The following DLGAP2 variants were observed in gnomAD, a reference collection of about 807,000 sequenced individuals.
The protein encoded by DLGAP2 is DLG associated protein 2, also known as disks large-associated protein 2.
DLGAP2 carries 26 observed loss-of-function variants against 100.3 expected under a neutral mutation model. The observed-to-expected ratio is 0.26, with a 90% CI of 0.19 to 0.36. DLGAP2 has a LOEUF of 0.36. Among genes scored for constraint, DLGAP2 ranks in the 10% least tolerant of loss-of-function variants. The probability of loss-of-function intolerance (pLI) is 1.00; values close to 1 mark genes in which losing one functional copy is unlikely to be tolerated. For missense variants in DLGAP2, 1,858 were observed against 1,453.2 expected (o/e 1.28, Z -4.53); for synonymous variants, 886 against 630.1 (o/e 1.41, Z -6.08).
intron 2 of DLGAP2, among the ~76,000 whole-genome samples, chr8:1,089,555 T>A (rs111728977): frequency 1.2e-3 from 183 of 152,286 alleles, no homozygotes; most frequent in African/African-American, 4.2e-3. Flanking sequence ...CCTCCCTCCT[T>A]GCCATGCAGG....
intron 2 of DLGAP2, among the ~76,000 whole-genome samples, chr8:1,158,665 C>G (rs1328991767): frequency 6.6e-6 from 1 of 152,234 alleles, no homozygotes; most frequent in Non-Finnish European, 1.5e-5. Flanking sequence ...CCGTTGCACT[C>G]TGTGTTTAGT....
intron 1 of DLGAP2, among the ~76,000 whole-genome samples, chr8:901,408 T>C (rs917421768): frequency 2.6e-5 from 4 of 152,278 alleles, no homozygotes; most frequent in Admixed American, 2.6e-4. Flanking sequence ...AATCTCTTTA[T>C]TGATAAAAAG....
intron 6 of DLGAP2, among the ~76,000 whole-genome samples, chr8:1,622,946 A>C (rs921930941): frequency 1.3e-5 from 2 of 152,170 alleles, no homozygotes; most frequent in Admixed American, 6.5e-5. Context: ...TGGCGGGGCC[A>C]CCGGAGGGTG....
chr8:742,535 G>A (rs1205948150), intron 1 of DLGAP2, among the ~76,000 whole-genome samples: 3 of 152,230 alleles, frequency 2.0e-5, no homozygotes, highest in African/African-American at 7.2e-5. Context: ...TAGAGACAGG[G>A]TCTCCCTCTG....
At chr8:1,659,798 T>C (rs1225960896) in intron 8 of DLGAP2, among the ~76,000 whole-genome samples, 2 of 152,234 alleles carry the variant, frequency 1.3e-5, no homozygotes, top group Non-Finnish European at 2.9e-5. Flanking sequence ...CTTTATCCAG[T>C]TTGCCATTCT....
chr8:1,137,713 A>G (rs1049893274), intron 2 of DLGAP2: 1 of 152,136 alleles, frequency 6.6e-6, no homozygotes, highest in Admixed American at 6.5e-5. Flanking sequence ...TACTATATAA[A>G]CTTCCCTAAT....
intron 2 of DLGAP2, among the ~76,000 whole-genome samples, chr8:1,161,906 C>T (rs1397282690): frequency 1.3e-5 from 2 of 152,226 alleles, no homozygotes; most frequent in African/African-American, 4.8e-5. Flanking sequence ...GGTTCCCACC[C>T]TTGGGGCTTT....
chr8:1,098,810 A>T lies in DLGAP2; in HGVS notation c.74-160041A>T, dbSNP rs371126852. Among the ~76,000 whole-genome samples, 5 of 133,026 alleles carry T rather than the reference A, an allele frequency of 3.8e-5. No individual in the cohort carries two copies. In the East Asian group the frequency reaches 1.2e-3, roughly 31 times the overall value. The allele number at this position is 133,026 out of a possible 152,430, so 87.3% of individuals were successfully genotyped here. A position where few individuals can be genotyped will look rare whatever the true frequency, so the allele number is the denominator to read the frequency against. ...CGGCCGCCCACGGACGCCGCCACCC[A>T]CTCCAGGCTCCCGGCCGCGCACGGA... On this transcript the variant is annotated intron_variant, in intron 2 of 14. Coordinates refer to ENST00000637795, the MANE Select transcript of DLGAP2 (RefSeq NM_001346810.2).
intron 7 of DLGAP2, 96 bp downstream of exon 7, chr8:1,626,983 C>T (rs1409454902): frequency 2.8e-6 from 4 of 1,432,462 alleles, no homozygotes; most frequent in Middle Eastern, 2.0e-4. Context: ...GCGCTGCCCT[C>T]CTGGTCAGCA....
intron 1 of DLGAP2, among the ~76,000 whole-genome samples, chr8:834,826 C>G (rs1317828799): frequency 6.6e-6 from 1 of 152,150 alleles, no homozygotes; most frequent in Non-Finnish European, 1.5e-5. Flanking sequence ...ATCCATGTAA[C>G]AAACCTGCAC....
intron 3 of DLGAP2, among the ~76,000 whole-genome samples, chr8:1,318,630 G>T (rs1800821678): frequency 6.6e-6 from 1 of 151,816 alleles, no homozygotes; most frequent in East Asian, 1.9e-4. Flanking sequence ...GTTCTCTCAT[G>T]TTACGAAAAT....
chr8:831,495 T>C (rs1312927205), intron 1 of DLGAP2, among the ~76,000 whole-genome samples: 4 of 152,166 alleles, frequency 2.6e-5, no homozygotes, highest in Admixed American at 2.0e-4. Flanking sequence ...GATAGTTTGC[T>C]GAGAATGATG....
intron 2 of DLGAP2, among the ~76,000 whole-genome samples, chr8:1,244,479 A>G (rs908555422): frequency 5.3e-5 from 8 of 152,236 alleles, no homozygotes; most frequent in East Asian, 1.9e-4. Context: ...GGAAGGGGCA[A>G]TTAGTTCCCG....
intron 3 of DLGAP2, among the ~76,000 whole-genome samples, chr8:1,391,646 G>T (rs555024144): frequency 2.6e-5 from 4 of 152,220 alleles, no homozygotes; most frequent in Non-Finnish European, 5.9e-5. Context: ...TCTAGAAGAG[G>T]AGATGGGTTC....
intron 3 of DLGAP2, among the ~76,000 whole-genome samples, chr8:1,417,666 T>C (rs1796951246): frequency 6.8e-6 from 1 of 146,000 alleles, no homozygotes; most frequent in Non-Finnish European, 1.5e-5. Context: ...CCTGCCTCAC[T>C]CCGCGAGGCT....
At chr8:1,432,269 G>T (rs1299984575) in intron 3 of DLGAP2, among the ~76,000 whole-genome samples, 1 of 152,178 alleles carries the variant, frequency 6.6e-6, no homozygotes, top group African/African-American at 2.4e-5. Flanking sequence ...TTATTGATTG[G>T]CTTTGCTTCC....
intron 4 of DLGAP2, among the ~76,000 whole-genome samples, chr8:1,534,742 C>A (rs1298849351): frequency 6.6e-6 from 1 of 151,786 alleles, no homozygotes; most frequent in Non-Finnish European, 1.5e-5. Flanking sequence ...AATCACAAGG[C>A]TGTGTGTGTT....
intron 2 of DLGAP2, among the ~76,000 whole-genome samples, chr8:1,080,111 T>A (rs961643728): frequency 6.6e-6 from 1 of 152,220 alleles, no homozygotes; most frequent in Non-Finnish European, 1.5e-5. Context: ...CCCAGCCATG[T>A]GGCCGTGCTG....
At chr8:1,003,920 T>C (rs1801033453) in intron 2 of DLGAP2, among the ~76,000 whole-genome samples, 1 of 152,236 alleles carries the variant, frequency 6.6e-6, no homozygotes, top group African/African-American at 2.4e-5. Flanking sequence ...TGTTTCAGCT[T>C]GTTTTAGCTT....
Sources: allele counts gnomAD v4.1 joint callset (sites outside exome capture counted in the v4.1 genomes callset), GRCh38; gene constraint gnomAD v4.1.1; transcripts MANE v1.5; gene names NCBI Gene and HGNC (gene_info 2026-07-23, HGNC 2026-07-21).